Variants in GABRG3 observed in about 807,000 individuals in gnomAD.
The protein encoded by GABRG3 is gamma-aminobutyric acid receptor subunit gamma-3.
A neutral mutation model predicts 48.8 loss-of-function variants in GABRG3; 25 were observed. The observed-to-expected ratio is 0.51, with a 90% CI of 0.37 to 0.72. The LOEUF (loss-of-function observed/expected upper bound fraction) is 0.72. Ranked by LOEUF, GABRG3 falls within the 30% of genes least tolerant of loss-of-function variation. GABRG3 has a pLI of 0.00. For synonymous variants in GABRG3, 227 were observed against 217.6 expected (o/e 1.04, Z -0.38); for missense variants, 394 against 577.9 (o/e 0.68, Z 3.26).
intron 3 of GABRG3, among the ~76,000 whole-genome samples, chr15:27,190,492 C>A (rs945726635): frequency 3.9e-5 from 6 of 152,122 alleles, no homozygotes; most frequent in Non-Finnish European, 7.4e-5. Flanking sequence ...CATTTCTTCT[C>A]GATTTTCTGG....
chr15:27,272,922 T>C (rs1465214436), intron 3 of GABRG3, among the ~76,000 whole-genome samples: 2 of 152,216 alleles, frequency 1.3e-5, no homozygotes, highest in African/African-American at 4.8e-5. Flanking sequence ...GATTCTGTCA[T>C]ATAAAGGGTC....
At chr15:27,439,184 A>C (rs1485499899) in intron 5 of GABRG3, among the ~76,000 whole-genome samples, 1 of 152,050 alleles carries the variant, frequency 6.6e-6, no homozygotes, top group Non-Finnish European at 1.5e-5. Flanking sequence ...ACTCCTCCAA[A>C]CGGGAGATGA....
intron 3 of GABRG3, among the ~76,000 whole-genome samples, chr15:27,292,552 T>C (rs1891831013): frequency 6.6e-6 from 1 of 152,220 alleles, no homozygotes; most frequent in African/African-American, 2.4e-5. Flanking sequence ...TATGTACATA[T>C]ATGTAATCAT....
intron 3 of GABRG3, among the ~76,000 whole-genome samples, chr15:27,256,197 CT>C (rs1368405121): frequency 4.6e-5 from 7 of 152,044 alleles, no homozygotes; most frequent in African/African-American, 1.7e-4. Context: ...AATCCCAGCA[CT>C]TTGGGAGGCC....
At chr15:27,453,190 GGTTA>G (rs962523928) in intron 5 of GABRG3, among the ~76,000 whole-genome samples, 3 of 152,106 alleles carry the variant, frequency 2.0e-5, no homozygotes, top group African/African-American at 7.2e-5. Flanking sequence ...AGTTATGCGG[GGTTA>G]GTTCTGAGAT....
intron 3 of GABRG3, among the ~76,000 whole-genome samples, chr15:27,130,060 T>A (rs1897889438): frequency 6.6e-6 from 1 of 152,154 alleles, no homozygotes; most frequent in Non-Finnish European, 1.5e-5. Context: ...GATTTTGATG[T>A]AGTCCAGTTT....
At chr15:27,451,181 A>G (rs777024163) in intron 5 of GABRG3, among the ~76,000 whole-genome samples, 1 of 152,220 alleles carries the variant, frequency 6.6e-6, no homozygotes, top group Non-Finnish European at 1.5e-5. Flanking sequence ...AAATAGAAAA[A>G]TAAAATCCTA....
chr15:27,461,029 T>G (rs1446488002), intron 5 of GABRG3, among the ~76,000 whole-genome samples: 2 of 152,190 alleles, frequency 1.3e-5, no homozygotes, highest in Non-Finnish European at 2.9e-5. Context: ...TCATGCAAAC[T>G]TATACAAACA....
intron 2 of GABRG3, among the ~76,000 whole-genome samples, chr15:27,001,034 C>G (rs1030963690): frequency 6.6e-6 from 1 of 152,134 alleles, no homozygotes; most frequent in African/African-American, 2.4e-5. Flanking sequence ...CACTGGTTAC[C>G]CAAGCGAGGA....
At chr15:27,466,289 C>T (rs1046089659) in intron 5 of GABRG3, among the ~76,000 whole-genome samples, 1 of 152,182 alleles carries the variant, frequency 6.6e-6, no homozygotes, top group Admixed American at 6.5e-5. Flanking sequence ...GCCTCCTACC[C>T]CCAACAGTGG....
chr15:27,464,128 T>G (rs1595771571), intron 5 of GABRG3, among the ~76,000 whole-genome samples: 1 of 152,192 alleles, frequency 6.6e-6, no homozygotes, highest in African/African-American at 2.4e-5. Context: ...GCACCAATTT[T>G]ATACCTTGGC....
intron 3 of GABRG3, among the ~76,000 whole-genome samples, chr15:27,291,389 ATGTT>A (rs751296799): frequency 2.0e-4 from 30 of 152,158 alleles, no homozygotes; most frequent in East Asian, 7.7e-4. Context: ...CATGCTTTGT[ATGTT>A]AATATCTGCC....
intron 5 of GABRG3, among the ~76,000 whole-genome samples, chr15:27,444,634 AAT>A: frequency 6.6e-6 from 1 of 152,142 alleles, no homozygotes; most frequent in Non-Finnish European, 1.5e-5. Context: ...TAATATATCT[AAT>A]ATGTTTGGAC....
intron 3 of GABRG3, among the ~76,000 whole-genome samples, chr15:27,183,186 CT>C (rs1253586858): frequency 6.6e-6 from 1 of 151,710 alleles, no homozygotes; most frequent in Non-Finnish European, 1.5e-5. Context: ...GACAAACATG[CT>C]TTATTTTCTT....
chr15:27,141,520 C>T (rs1003800505), intron 3 of GABRG3, among the ~76,000 whole-genome samples: 2 of 152,186 alleles, frequency 1.3e-5, no homozygotes, highest in African/African-American at 4.8e-5. Flanking sequence ...CAAAGGAAAG[C>T]TGCCCTCTTC....
chr15:27,227,085 C>CT (rs1399390255), intron 3 of GABRG3, among the ~76,000 whole-genome samples: 16 of 152,242 alleles, frequency 1.1e-4, no homozygotes, highest in Admixed American at 5.9e-4. Context: ...GGTGAGGTCT[C>CT]TAAGTGTCCT....
At chr15:27,474,894 GGCT>G (rs1889890803) in intron 5 of GABRG3, among the ~76,000 whole-genome samples, 1 of 152,252 alleles carries the variant, frequency 6.6e-6, no homozygotes, top group African/African-American at 2.4e-5. Context: ...CACTTTGGGA[GGCT>G]GAGGCAGGCA....
chr15:27,178,751 C>T (rs772256442), intron 3 of GABRG3, among the ~76,000 whole-genome samples: 4 of 152,138 alleles, frequency 2.6e-5, no homozygotes, highest in Admixed American at 6.6e-5. Context: ...CAAGGCATAT[C>T]GGTCTAGATT....
intron 5 of GABRG3, among the ~76,000 whole-genome samples, chr15:27,369,317 G>T (rs1895316244): frequency 6.6e-6 from 1 of 152,170 alleles, no homozygotes; most frequent in Admixed American, 6.5e-5. Flanking sequence ...TCATGTAAAT[G>T]ACCTTTCAAT....
Sources: allele counts gnomAD v4.1 joint callset (sites outside exome capture counted in the v4.1 genomes callset), GRCh38; gene constraint gnomAD v4.1.1; transcripts MANE v1.5; gene names NCBI Gene and HGNC (gene_info 2026-07-23, HGNC 2026-07-21).